The following SS18L2 variants were observed in gnomAD, a reference collection of about 807,000 sequenced individuals.
The protein encoded by SS18L2 is SS18-like protein 2.
In SS18L2, 8 loss-of-function variants were observed where a neutral mutation model predicts 10.3. The observed-to-expected ratio is 0.78, with a 90% CI of 0.46 to 1.41. SS18L2 has a LOEUF of 1.41. Among genes scored for constraint, SS18L2 ranks in the 40% most tolerant of loss-of-function variants. SS18L2 has a pLI of 0.00. For synonymous variants in SS18L2, 41 were observed against 34.6 expected (o/e 1.19, Z -0.65); for missense variants, 100 against 96.2 (o/e 1.04, Z -0.17).
intron 1 of SS18L2, 128 bp from the exon 2 acceptor site, chr3:42,591,397 G>A: frequency 1.5e-6 from 1 of 689,084 alleles, no homozygotes; most frequent in Non-Finnish European, 2.6e-6. Context: ...GTTTCCCCAT[G>A]TTGGCCAGGC....
Position 42,595,963 on chromosome 3 carries a change from T to C in SS18L2, c.*1454T>C, listed in dbSNP as rs1329420708. Among the ~76,000 whole-genome samples, 3 of 152,228 alleles carry C rather than the reference T, an allele frequency of 2.0e-5. No individual in the cohort carries two copies. The highest frequency in any genetic ancestry group is 4.8e-5 in the African/African-American group (2 of 41,474). On this transcript the variant is annotated 3_prime_UTR_variant, in exon 3 of 3. Transcript: ENST00000011691. The stretch of plus-strand genomic sequence containing the variant: ...ACATGTTAATCTATGTTAGCACTAA[T>C]GTGCTGAGGGCTCTGGCTCTTTCTT...
At chr3:42,591,037 A>G (rs1577373310) in intron 1 of SS18L2, 71 bp downstream of exon 1, 3 of 1,495,178 alleles carry the variant, frequency 2.0e-6, no homozygotes, top group Non-Finnish European at 9.1e-7. Context: ...GGGTGCGAGA[A>G]GCATCCTGTA....
At chr3:42,584,132 T>C (rs974376605) in intron 1 of SS18L2, among the ~76,000 whole-genome samples, 19 of 152,340 alleles carry the variant, frequency 1.2e-4, no homozygotes, top group African/African-American at 4.1e-4. Context: ...TCTATAGATA[T>C]AGATCTATAT....
chr3:42,582,133 G>C (rs1704422254), intron 1 of SS18L2: 1 of 152,334 alleles, frequency 6.6e-6, no homozygotes, highest in Middle Eastern at 3.4e-3. Context: ...GACCCAAACG[G>C]AGAGGGAGTG....
chr3:42,585,917 C>A (rs563822345), upstream of SS18L2, among the ~76,000 whole-genome samples: 1 of 152,072 alleles, frequency 6.6e-6, no homozygotes, highest in African/African-American at 2.4e-5. Context: ...ATCCTGCATG[C>A]TCCCCAGATC....
At chr3:42,585,995 C>T (rs55784280), upstream of SS18L2, among the ~76,000 whole-genome samples, 1,554 of 152,172 alleles carry the variant, frequency 0.01, 9 homozygotes, top group Non-Finnish European at 0.012. Context: ...GAAAGAGCAA[C>T]CATCAAAGTG....
upstream of SS18L2, among the ~76,000 whole-genome samples, chr3:42,586,679 T>C (rs538740592): frequency 6.6e-6 from 1 of 152,126 alleles, no homozygotes; most frequent in Non-Finnish European, 1.5e-5. Flanking sequence ...TTGCAGCTTC[T>C]TTTCCTCTGC....
At chr3:42,591,201 CTT>C (rs71616053) in intron 1 of SS18L2, 6,071 of 478,546 alleles carry the variant, frequency 0.013, no homozygotes, top group Middle Eastern at 0.017. Context: ...CCTTTCTCTC[CTT>C]TTTTTTTTTT....
At chr3:42,584,728 A>G (rs141974261) in intron 1 of SS18L2, among the ~76,000 whole-genome samples, 2 of 152,200 alleles carry the variant, frequency 1.3e-5, no homozygotes, top group African/African-American at 4.8e-5. Context: ...CCCTCCCACA[A>G]TGAGTCTCTG....
Position 42,596,006 on chromosome 3 carries a change from T to C in SS18L2, c.*1497T>C, listed in dbSNP as rs1705016923. Among the ~76,000 whole-genome samples the C allele has an allele frequency of 6.6e-6, 1 of 152,140 alleles. No homozygotes were observed. Among genetic ancestry groups the C allele is most frequent in the East Asian group, 1.9e-4 (1 of 5,192 alleles). On this transcript the variant is annotated 3_prime_UTR_variant, in exon 3 of 3. Transcript: ENST00000011691. ...TCTTTCTTTTTTCTTTTTCTTCTTT[T>C]TTTTGGTTTTGTTTTGTTTTGTTTT...
upstream of SS18L2, among the ~76,000 whole-genome samples, chr3:42,587,898 C>A (rs1387189422): frequency 6.6e-6 from 1 of 151,660 alleles, no homozygotes; most frequent in Non-Finnish European, 1.5e-5. Flanking sequence ...ATGGTAAAAA[C>A]CCCCATCTCT....
In SS18L2 at chr3:42,591,547, T is replaced by G. The variant is rs771069709; in HGVS notation, c.92T>G (p.Leu31Arg). ...CAGCTCCTTGAGGAGAATGACCAGC[T>G]GATCCGCTGTATTGTGGAGTATCAG... Reference protein sequence around the residue: ...IQRLLEENDQLIRCIVEYQNK... With the variant: ...IQRLLEENDQRIRCIVEYQNK... The change falls in exon 2 of 3, where the codon CTG (leucine) becomes CGG (arginine). Residue 31 changes from leucine to arginine, a missense_variant. Coordinates refer to ENST00000011691, the MANE Select transcript of SS18L2 (RefSeq NM_001370300.1). 6.2e-7 allele frequency: 1 copy of G among 1,614,038 alleles called. No homozygotes were observed. The highest frequency in any genetic ancestry group is 2.2e-5 in the East Asian group (1 of 44,864).
intron 1 of SS18L2, chr3:42,591,297 C>G: frequency 1.7e-6 from 1 of 578,940 alleles, no homozygotes; most frequent in Non-Finnish European, 3.1e-6. Context: ...TTCCTGGCTT[C>G]AAGCGAGTCT....
intron 1 of SS18L2, 25 bp downstream of exon 1, chr3:42,590,991 G>C: frequency 1.0e-6 from 1 of 957,864 alleles, no homozygotes; most frequent in Non-Finnish European, 1.6e-6. Flanking sequence ...GGGCGGGCGG[G>C]CGGGCGGAGA....
upstream of SS18L2, among the ~76,000 whole-genome samples, chr3:42,588,169 C>T (rs184486027): frequency 2.0e-5 from 3 of 151,148 alleles, no homozygotes; most frequent in Non-Finnish European, 4.4e-5. Context: ...TTTGGGAGGC[C>T]GAGGCAGACA....
In SS18L2 at chr3:42,595,300, T is replaced by C. The variant is rs1274890890; in HGVS notation, c.*791T>C. Among the ~76,000 whole-genome samples, 1 of 152,214 alleles carries C rather than the reference T, an allele frequency of 6.6e-6. No homozygotes were observed. The highest frequency in any genetic ancestry group is 6.5e-5 in the Admixed American group (1 of 15,280). On this transcript the variant is annotated 3_prime_UTR_variant, in exon 3 of 3. Coordinates refer to ENST00000011691, the MANE Select transcript of SS18L2 (RefSeq NM_001370300.1). ...ATACTTAATAGTTCCTTTTTTTCTT[T>C]ATTTGTTGAAATAACTAGGTGTTTA...
At chr3:42,591,746 G>C in intron 2 of SS18L2, 145 bp downstream of exon 2, 2 of 660,956 alleles carry the variant, frequency 3.0e-6, no homozygotes, top group Non-Finnish European at 5.5e-6. Context: ...CAAAGAGTTT[G>C]CCAACCTGCC....
chr3:42,594,337 C>A, intron 2 of SS18L2, 85 bp from the exon 3 acceptor site: 2 of 1,037,350 alleles, frequency 1.9e-6, no homozygotes, highest in South Asian at 1.3e-5. Flanking sequence ...AGCCATTCCA[C>A]TAGAGTGGGT....
At chr3:42,588,837 G>T (rs1704710190), upstream of SS18L2, among the ~76,000 whole-genome samples, 1 of 152,168 alleles carries the variant, frequency 6.6e-6, no homozygotes, top group Admixed American at 6.5e-5. Context: ...GTCTCTGAAA[G>T]CTTTGGGGAA....
Sources: gnomAD v4.1 joint callset for allele counts (sites outside exome capture counted in the v4.1 genomes callset) on GRCh38, gnomAD v4.1.1 for gene constraint, MANE v1.5 for transcripts, NCBI Gene and HGNC (gene_info 2026-07-23, HGNC 2026-07-21) for gene names.